Variants in DPP10 observed in about 807,000 individuals in gnomAD.
The protein encoded by DPP10 is inactive dipeptidyl peptidase 10.
A neutral mutation model predicts 120.9 loss-of-function variants in DPP10; 33 were observed. The ratio of observed to expected loss-of-function variants is 0.27; its 90% CI spans 0.21 to 0.37. The LOEUF is 0.37. DPP10 is among the 10% of genes least tolerant of loss of function. DPP10 has a pLI of 1.00. For missense variants in DPP10, 816 were observed against 942.8 expected (o/e 0.87, Z 1.76); for synonymous variants, 337 against 326.1 (o/e 1.03, Z -0.36).
At position 114,941,281 on chromosome 2, in the gene DPP10, C is replaced by T. The variant is rs117065175; in HGVS notation, c.61-367958C>T. 1.1e-4 allele frequency among the ~76,000 whole-genome samples: 17 copies of T among 152,270 alleles called. No homozygotes were observed. The East Asian group carries it at 3.3e-3, about 29-fold the overall frequency. ...AATCTTGTTGTCAAATGTTCACTCC[C>T]AGGGTATTTGCTGAAAGGCTTGGAT... On this transcript the variant is annotated intron_variant, in intron 1 of 25. Transcript: ENST00000410059.
intron 1 of DPP10, among the ~76,000 whole-genome samples, chr2:115,226,288 C>G (rs113155838): frequency 1.1e-4 from 16 of 151,994 alleles, no homozygotes; most frequent in African/African-American, 3.6e-4. Flanking sequence ...ACCTATAGTT[C>G]TAGATATTAT....
intron 21 of DPP10, among the ~76,000 whole-genome samples, chr2:115,834,868 C>T (rs1320675390): frequency 6.6e-6 from 1 of 152,006 alleles, no homozygotes; most frequent in African/African-American, 2.4e-5. Context: ...GGGTAGATCA[C>T]GAGGTCAGGA....
intron 1 of DPP10, among the ~76,000 whole-genome samples, chr2:114,785,057 T>C (rs1682652729): frequency 2.0e-5 from 3 of 152,198 alleles, no homozygotes; most frequent in Non-Finnish European, 2.9e-5. Flanking sequence ...TTGTTGGCTC[T>C]CTAGGGAAAG....
At chr2:114,837,688 G>A (rs13412889) in intron 1 of DPP10, among the ~76,000 whole-genome samples, 10,752 of 152,184 alleles carry the variant, frequency 0.071, 1,280 homozygotes, top group African/African-American at 0.25. Flanking sequence ...TAACAAACAA[G>A]CCCCTAAACC....
In DPP10 at chr2:115,056,181, G is replaced by A. The variant is rs532771413; in HGVS notation, c.61-253058G>A. Among the ~76,000 whole-genome samples, 195 of 152,124 alleles carry A rather than the reference G, an allele frequency of 1.3e-3. 7 individuals are homozygous for A. In the South Asian group the frequency reaches 0.037, roughly 29 times the overall value. Reference sequence around the variant, plus strand: ...ACATACGGATCCTTAAACAACATCCGGGGGTTGGAGGGTGAGGCAGGGCAT... The same window carrying A: ...ACATACGGATCCTTAAACAACATCCAGGGGTTGGAGGGTGAGGCAGGGCAT... On this transcript the variant is annotated intron_variant, in intron 1 of 25. Coordinates refer to ENST00000410059, the MANE Select transcript of DPP10 (RefSeq NM_020868.6).
chr2:115,660,459 C>G (rs554016486), intron 5 of DPP10, among the ~76,000 whole-genome samples: 10 of 152,218 alleles, frequency 6.6e-5, no homozygotes, highest in African/African-American at 2.4e-4. Context: ...TAAATATCTC[C>G]AGGGGATGGA....
intron 1 of DPP10, among the ~76,000 whole-genome samples, chr2:114,506,091 C>T (rs1394112640): frequency 6.6e-6 from 1 of 152,200 alleles, no homozygotes; most frequent in Non-Finnish European, 1.5e-5. Context: ...AACCTCAAGC[C>T]TGAAACCACA....
At chr2:114,615,387 T>G (rs1218649414) in intron 1 of DPP10, among the ~76,000 whole-genome samples, 1 of 152,162 alleles carries the variant, frequency 6.6e-6, no homozygotes, top group Non-Finnish European at 1.5e-5. Context: ...CTTTATTTTC[T>G]TTGTCTCTAT....
intron 8 of DPP10, among the ~76,000 whole-genome samples, chr2:115,735,194 C>G (rs1307358555): frequency 2.0e-5 from 3 of 152,078 alleles, no homozygotes; most frequent in Non-Finnish European, 4.4e-5. Context: ...TCTTATTATT[C>G]AAATTAAAAG....
At chr2:115,634,137 G>T (rs1195882739) in intron 5 of DPP10, among the ~76,000 whole-genome samples, 1 of 152,036 alleles carries the variant, frequency 6.6e-6, no homozygotes, top group Admixed American at 6.6e-5. Context: ...AGCTCCATCC[G>T]GTCATTTATG....
chr2:115,724,938 A>G (rs967780567), intron 7 of DPP10, among the ~76,000 whole-genome samples: 13 of 152,048 alleles, frequency 8.5e-5, no homozygotes, highest in African/African-American at 2.9e-4. Flanking sequence ...TCTCACACGA[A>G]CCCACTCATA....
intron 1 of DPP10, among the ~76,000 whole-genome samples, chr2:115,304,642 A>T (rs910947852): frequency 6.6e-5 from 10 of 152,114 alleles, no homozygotes; most frequent in African/African-American, 9.7e-5. Flanking sequence ...ATGGCAGATA[A>T]ATACATTGAC....
intron 1 of DPP10, among the ~76,000 whole-genome samples, chr2:114,455,727 T>TTA (rs761658342): frequency 0.091 from 6,037 of 66,192 alleles, 406 homozygotes; most frequent in African/African-American, 0.22. Flanking sequence ...ACAAATTCAT[T>TTA]TGTTTTTTTT....
chr2:114,880,483 C>T (rs1691514599), intron 1 of DPP10, among the ~76,000 whole-genome samples: 1 of 152,008 alleles, frequency 6.6e-6, no homozygotes. Context: ...GCTATAGCCA[C>T]AGGAAATATA....
chr2:115,477,808 G>A (rs1405013054), intron 3 of DPP10, among the ~76,000 whole-genome samples: 1 of 152,008 alleles, frequency 6.6e-6, no homozygotes, highest in Non-Finnish European at 1.5e-5. Flanking sequence ...CTTTTTTTGT[G>A]TGTTGCTATT....
intron 5 of DPP10, among the ~76,000 whole-genome samples, chr2:115,675,360 T>A (rs1290682627): frequency 1.3e-5 from 2 of 151,724 alleles, no homozygotes; most frequent in African/African-American, 2.4e-5. Flanking sequence ...TAAAAAAAAA[T>A]GACTCAAACA....
At chr2:114,681,623 T>C (rs1699032781) in intron 1 of DPP10, among the ~76,000 whole-genome samples, 5 of 151,952 alleles carry the variant, frequency 3.3e-5, no homozygotes, top group Admixed American at 3.3e-4. Flanking sequence ...CTGACTTTAT[T>C]ATCCAACAGC....
chr2:115,535,430 T>C (rs1311003435), intron 5 of DPP10, among the ~76,000 whole-genome samples: 4 of 152,106 alleles, frequency 2.6e-5, no homozygotes, highest in South Asian at 2.1e-4. Context: ...TGCAGATATG[T>C]GGCGTTATTT....
At chr2:115,272,512 C>T (rs1372704133) in intron 1 of DPP10, among the ~76,000 whole-genome samples, 1 of 152,172 alleles carries the variant, frequency 6.6e-6, no homozygotes, top group Non-Finnish European at 1.5e-5. Context: ...ATCAAGATTA[C>T]TTGTTAATTT....
Sources: allele counts gnomAD v4.1 joint callset (sites outside exome capture counted in the v4.1 genomes callset), GRCh38; gene constraint gnomAD v4.1.1; transcripts MANE v1.5; gene names NCBI Gene and HGNC (gene_info 2026-07-23, HGNC 2026-07-21).